Variants in NAV3 observed in about 807,000 individuals in gnomAD.
The protein encoded by NAV3 is pore membrane and/or filament interacting like protein 1.
A neutral mutation model predicts 244.7 loss-of-function variants in NAV3; 87 were observed. The observed-to-expected ratio is 0.36, with a 90% CI of 0.30 to 0.42. NAV3 has a LOEUF of 0.42. NAV3 is among the 20% of genes least tolerant of loss of function. The pLI, the probability that NAV3 is intolerant of heterozygous loss-of-function variation, is 1.00. For missense variants in NAV3, 2,663 were observed against 2,893.3 expected (o/e 0.92, Z 1.83); for synonymous variants, 1,126 against 1,042.2 (o/e 1.08, Z -1.55).
At chr12:78,048,433 T>C (rs529293826) in intron 9 of NAV3, among the ~76,000 whole-genome samples, 13 of 152,314 alleles carry the variant, frequency 8.5e-5, no homozygotes, top group South Asian at 4.1e-4. Flanking sequence ...ATTGATGCTA[T>C]TCCTTTTTGT....
intron 39 of NAV3, among the ~76,000 whole-genome samples, chr12:78,206,077 T>A (rs974710090): frequency 6.6e-6 from 1 of 152,094 alleles, no homozygotes; most frequent in Non-Finnish European, 1.5e-5. Context: ...GTGGAAAACC[T>A]GATAAACTTT....
In NAV3 at chr12:77,780,571, C is replaced by T. The variant is rs141342825; in HGVS notation, c.73-159748C>T. Among the ~76,000 whole-genome samples the T allele has an allele frequency of 7.6e-4, 116 of 152,198 alleles. 1 individual carries two copies. Among genetic ancestry groups the T allele is most frequent in the African/African-American group, 2.7e-3 (113 of 41,534 alleles). On this transcript the variant is annotated intron_variant, in intron 2 of 8. Transcript: ENST00000550042. ...ATGAGCTAGTGGAAAAGTCCTTAAG[C>T]AAGTTTGTGCGAAGATTGGTCAGTG...
chr12:77,800,236 A>G (rs1370688270), intron 2 of NAV3, among the ~76,000 whole-genome samples: 1 of 152,186 alleles, frequency 6.6e-6, no homozygotes, highest in African/African-American at 2.4e-5. Flanking sequence ...GGAGAGCAGG[A>G]AAGGACTTTG....
intron 2 of NAV3, among the ~76,000 whole-genome samples, chr12:77,655,425 G>A (rs1442521991): frequency 1.3e-5 from 2 of 152,104 alleles, no homozygotes; most frequent in South Asian, 2.1e-4. Context: ...AAAAAGAAAC[G>A]AACAAAGCCT....
At chr12:77,953,125 TATC>T (rs1377170571) in intron 3 of NAV3, among the ~76,000 whole-genome samples, 1 of 152,284 alleles carries the variant, frequency 6.6e-6, no homozygotes, top group East Asian at 1.9e-4. Context: ...GAAGATTTAA[TATC>T]ATCTATAACT....
chr12:78,004,770 A>T (rs1264567183), intron 7 of NAV3, among the ~76,000 whole-genome samples: 2 of 152,156 alleles, frequency 1.3e-5, no homozygotes. Context: ...GAAGCATCTC[A>T]TTGCCTCTGT....
chr12:77,879,282 A>G (rs1725965), intron 1 of NAV3, among the ~76,000 whole-genome samples: 20,615 of 152,182 alleles, frequency 0.14, 1,503 homozygotes, highest in East Asian at 0.22. Flanking sequence ...CTCTTTACAC[A>G]CTACAAGATT....
At chr12:78,016,315 TTA>T (rs1317498944) in intron 8 of NAV3, among the ~76,000 whole-genome samples, 1 of 152,130 alleles carries the variant, frequency 6.6e-6, no homozygotes, top group East Asian at 1.9e-4. Flanking sequence ...ATATGCCTTA[TTA>T]TAATTCAATG....
Position 77,831,721 on chromosome 12 carries a change from AC to A in NAV3, c.243+19del, listed in dbSNP as rs776167928. 1.1e-5 allele frequency: 18 copies of A among 1,585,300 alleles called. No individual in the cohort carries two copies. Among genetic ancestry groups the A allele is most frequent in the Non-Finnish European group, 1.3e-5 (15 of 1,168,800 alleles). On this transcript the variant is annotated intron_variant, in intron 1 of 39. Transcript: ENST00000397909. ...GACAGCAAGGTTAGTTGCTGAAGTTACCTGCAGACTTGTGTAGCTAAAATGC... is the reference window on the plus strand; with the variant it reads ...GACAGCAAGGTTAGTTGCTGAAGTTACTGCAGACTTGTGTAGCTAAAATGC...
chr12:77,681,183 T>C (rs755792599), intron 2 of NAV3, among the ~76,000 whole-genome samples: 18 of 152,296 alleles, frequency 1.2e-4, no homozygotes, highest in Middle Eastern at 3.4e-3. Context: ...AGTCCAGAAT[T>C]TCAGTAAGTT....
chr12:78,123,224 A>G (rs1456713437), intron 16 of NAV3, among the ~76,000 whole-genome samples: 1 of 152,164 alleles, frequency 6.6e-6, no homozygotes, highest in African/African-American at 2.4e-5. Flanking sequence ...GATAAATGCA[A>G]TGCTATTTGT....
intron 23 of NAV3, 53 bp downstream of exon 23, chr12:78,159,339 G>A (rs1056761470): frequency 7.0e-7 from 1 of 1,435,276 alleles, no homozygotes; most frequent in African/African-American, 1.4e-5. Flanking sequence ...AATTGCATAG[G>A]ATTCTTAAAT....
rs575298866 is a variant in NAV3, at chr12:77,637,987, A to T, written c.72+65721A>T. 3.3e-5 allele frequency among the ~76,000 whole-genome samples: 5 copies of T among 152,330 alleles called. No homozygotes were observed. The South Asian group carries it at 8.3e-4, about 25-fold the overall frequency. ...AAAGGTTCTCAACAGGCACTATTTG[A>T]TGCATCATAAAGCAACCTTTGTGAT... On this transcript the variant is annotated intron_variant, in intron 2 of 8. Transcript: ENST00000550042.
chr12:77,597,664 C>A (rs1403435294), intron 2 of NAV3, among the ~76,000 whole-genome samples: 2 of 151,964 alleles, frequency 1.3e-5, no homozygotes, highest in Non-Finnish European at 2.9e-5. Context: ...CATGAAAATG[C>A]ATGCTTTCTG....
chr12:77,937,432 A>G (rs1049623373), intron 1 of NAV3, among the ~76,000 whole-genome samples: 3 of 152,244 alleles, frequency 2.0e-5, no homozygotes, highest in East Asian at 1.9e-4. Context: ...GGAACTGTTG[A>G]CATGCATTTG....
chr12:77,806,947 T>C (rs1872013904), intron 2 of NAV3, among the ~76,000 whole-genome samples: 1 of 152,218 alleles, frequency 6.6e-6, no homozygotes, highest in South Asian at 2.1e-4. Context: ...TTTTGATCTT[T>C]GTTGGTCTCT....
chr12:77,975,803 AG>A (rs34050181), intron 5 of NAV3, among the ~76,000 whole-genome samples: 17,536 of 152,264 alleles, frequency 0.12, 1,184 homozygotes, highest in South Asian at 0.15. Flanking sequence ...AGAGAGGGGA[AG>A]ATACTATGTG....
At chr12:77,989,241 A>G (rs2136335835) in intron 5 of NAV3, among the ~76,000 whole-genome samples, 1 of 152,300 alleles carries the variant, frequency 6.6e-6, no homozygotes, top group African/African-American at 2.4e-5. Context: ...GAGAGGCAAC[A>G]GACGTTTAAG....
chr12:77,960,629 A>G (rs550396192), intron 3 of NAV3, among the ~76,000 whole-genome samples: 1 of 148,324 alleles, frequency 6.7e-6, no homozygotes, highest in African/African-American at 2.4e-5. Context: ...TATTATATAT[A>G]CTTTAACAAT....
Sources: gnomAD v4.1 joint callset for allele counts (sites outside exome capture counted in the v4.1 genomes callset) on GRCh38, gnomAD v4.1.1 for gene constraint, MANE v1.5 for transcripts, NCBI Gene and HGNC (gene_info 2026-07-23, HGNC 2026-07-21) for gene names.